The following RASA3 variants were observed in gnomAD, a reference collection of about 807,000 sequenced individuals.
The protein encoded by RASA3 is ras GTPase-activating protein 3.
A neutral mutation model predicts 110.0 loss-of-function variants in RASA3; 73 were observed. That is an observed-to-expected ratio of 0.66 (90% confidence interval 0.55 to 0.81). The LOEUF (loss-of-function observed/expected upper bound fraction) is 0.81, where lower values mean the gene tolerates loss of function less well. RASA3 is among the 30% of genes least tolerant of loss of function. RASA3 has a pLI of 0.00. For synonymous variants in RASA3, 500 were observed against 451.4 expected, an observed-to-expected ratio of 1.11 and a Z score of -1.37; for missense variants, 976 against 1,113.2, an observed-to-expected ratio of 0.88 and a Z score of 1.75.
At chr13:114,033,309 C>T in intron 4 of RASA3, among the ~76,000 whole-genome samples, 1 of 107,272 alleles carries the variant, frequency 9.3e-6, no homozygotes, top group South Asian at 3.8e-4. Flanking sequence ...ACGGCACCCC[C>T]ACACTTGATA....
At chr13:114,041,750 G>A (rs531052303) in intron 3 of RASA3, among the ~76,000 whole-genome samples, 1 of 152,392 alleles carries the variant, frequency 6.6e-6, no homozygotes, top group Non-Finnish European at 1.5e-5. Context: ...AGGCAGGACT[G>A]AGAGCCAGAA....
At chr13:114,009,292 A>G in intron 17 of RASA3, 95 bp downstream of exon 17, 1 of 1,019,866 alleles carries the variant, frequency 9.8e-7, no homozygotes. Context: ...GCTAATGGCC[A>G]AGTCTGTGTC....
At chr13:114,005,315 G>A (rs1398652436) in intron 18 of RASA3, among the ~76,000 whole-genome samples, 4 of 152,186 alleles carry the variant, frequency 2.6e-5, no homozygotes, top group Non-Finnish European at 5.9e-5. Context: ...AGTGGGAGCC[G>A]GGCCACAGGA....
At chr13:114,088,676 G>C (rs929231870) in intron 1 of RASA3, among the ~76,000 whole-genome samples, 1 of 151,906 alleles carries the variant, frequency 6.6e-6, no homozygotes, top group African/African-American at 2.4e-5. Flanking sequence ...TCAGCCTCCT[G>C]AGAAGTTGGG....
At position 114,040,987 on chromosome 13, in the gene RASA3, C is replaced by T. The variant is rs202226709; in HGVS notation, c.372+13G>A. ...CAGGGCTCTGGTTTCCGGGGCTGCG[C>T]CGAGAGTCTCACCTGCACTTCCGAG... is the stretch of plus-strand genomic sequence containing the variant. On this transcript the variant is annotated intron_variant, in intron 4 of 23. Coordinates refer to ENST00000334062, the MANE Select transcript of RASA3 (RefSeq NM_007368.4). 1,104 of 1,612,888 alleles carry T rather than the reference C, an allele frequency of 6.8e-4. 6 individuals are homozygous for T. The highest frequency in any genetic ancestry group is 2.1e-4 in the African/African-American group (16 of 75,046).
intron 1 of RASA3, among the ~76,000 whole-genome samples, chr13:114,113,265 G>C (rs2080241268): frequency 6.6e-6 from 1 of 152,216 alleles, no homozygotes; most frequent in Admixed American, 6.5e-5. Flanking sequence ...TGGAGACTGG[G>C]GGCCTCAGAC....
At chr13:114,000,466 G>A (rs1176441971) in intron 19 of RASA3, among the ~76,000 whole-genome samples, 1 of 152,190 alleles carries the variant, frequency 6.6e-6, no homozygotes, top group African/African-American at 2.4e-5. Flanking sequence ...TGACAGCGAG[G>A]GGCAGGAGGT....
chr13:114,116,229 C>T (rs939437761), intron 1 of RASA3, among the ~76,000 whole-genome samples: 3 of 152,208 alleles, frequency 2.0e-5, no homozygotes, highest in Non-Finnish European at 4.4e-5. Flanking sequence ...CCCCTCCCCT[C>T]GGGCCAGGCC....
Position 113,979,013 on chromosome 13 carries a change from G to A in RASA3, c.*334C>T, listed in dbSNP as rs991169964. ...AGGTGCATGTCACAGTCGACTAGAC[G>A]GGCCGTGGCTCCCTGAGGCTGGCTG... On this transcript the variant is annotated 3_prime_UTR_variant, in exon 24 of 24. Coordinates refer to ENST00000334062, the MANE Select transcript of RASA3 (RefSeq NM_007368.4). The A allele has an allele frequency of 5.4e-5, 19 of 352,528 alleles. No individual in the cohort carries two copies. The highest frequency in any genetic ancestry group is 3.4e-4 in the East Asian group (6 of 17,392). The allele number at this position is 352,528 out of a possible 1,614,324, so 21.8% of individuals were successfully genotyped here. A position where few individuals can be genotyped will look rare whatever the true frequency, so the allele number is the denominator to read the frequency against.
intron 2 of RASA3, among the ~76,000 whole-genome samples, chr13:114,054,770 G>A (rs2079208213): frequency 6.6e-6 from 1 of 152,232 alleles, no homozygotes; most frequent in African/African-American, 2.4e-5. Context: ...GACTTCCACC[G>A]ACTCCATTGT....
intron 1 of RASA3, among the ~76,000 whole-genome samples, chr13:114,127,047 G>C (rs2080460218): frequency 6.6e-6 from 1 of 152,158 alleles, no homozygotes; most frequent in Admixed American, 6.5e-5. Context: ...GCTGTTTCCA[G>C]CCAATACGTC....
At chr13:113,979,863 G>A (rs1484064805) in intron 23 of RASA3, among the ~76,000 whole-genome samples, 2 of 151,900 alleles carry the variant, frequency 1.3e-5, no homozygotes, top group East Asian at 1.9e-4. Flanking sequence ...CCATGTGTGT[G>A]CACCTCCTGC....
At chr13:114,031,924 C>T (rs1443694876) in intron 4 of RASA3, among the ~76,000 whole-genome samples, 1 of 152,162 alleles carries the variant, frequency 6.6e-6, no homozygotes, top group Non-Finnish European at 1.5e-5. Context: ...TGGTGCAGAA[C>T]CTCGGATGGA....
intron 5 of RASA3, 85 bp downstream of exon 5, chr13:114,029,726 G>T: frequency 7.7e-7 from 1 of 1,290,744 alleles, no homozygotes; most frequent in Non-Finnish European, 1.1e-6. Context: ...ATTCTTGTGC[G>T]TTGGTGTGAA....
At chr13:113,994,012 CTTTAA>C (rs2053180191) in intron 21 of RASA3, among the ~76,000 whole-genome samples, 5 of 152,096 alleles carry the variant, frequency 3.3e-5, no homozygotes, top group Admixed American at 3.3e-4. Context: ...GAAATATGCT[CTTTAA>C]TTTAGTAAAT....
rs1048828963 is a variant in RASA3, at chr13:114,014,136, G to C, written c.1406-888C>G. Among the ~76,000 whole-genome samples, 5 of 145,488 alleles carry C rather than the reference G, an allele frequency of 3.4e-5. No homozygotes were observed. Among genetic ancestry groups the C allele is most frequent in the African/African-American group, 1.0e-4 (4 of 39,276 alleles). On this transcript the variant is annotated intron_variant, in intron 14 of 23. Coordinates refer to ENST00000334062, the MANE Select transcript of RASA3 (RefSeq NM_007368.4). This position sits in a 1 kb window ranked among gnomAD's most constrained non-coding sequence, Gnocchi z 4.5. ...TCTCTCTCTCTCCTTGTCTCTCTCTGTCTCTCTCCTTCTGTCTCTGCCTCT... is the reference window on the plus strand; with the variant it reads ...TCTCTCTCTCTCCTTGTCTCTCTCTCTCTCTCTCCTTCTGTCTCTGCCTCT...
chr13:114,069,327 C>G (rs766545578), intron 2 of RASA3, among the ~76,000 whole-genome samples: 6 of 151,676 alleles, frequency 4.0e-5, no homozygotes, highest in African/African-American at 1.5e-4. Context: ...CCCTTCTGAG[C>G]TCAGAGATGC....
At position 114,029,366 on chromosome 13, in the gene RASA3, A is replaced by G. The variant is rs375517427; in HGVS notation, c.449+445T>C. ...CTGGGGCCAGGACCTCTAAAACGGC[A>G]TCATCCTGGGGCCAGGACCTCTAAA... On this transcript the variant is annotated intron_variant, in intron 5 of 23. Transcript: ENST00000334062. Among the ~76,000 whole-genome samples the G allele has an allele frequency of 3.4e-4, 6 of 17,814 alleles. 1 individual carries two copies. The highest frequency in any genetic ancestry group is 2.8e-3 in the African/African-American group (5 of 1,764). 11.7% of individuals were successfully genotyped at this position (17,814 alleles called of 152,430 possible). A position where few individuals can be genotyped will look rare whatever the true frequency, so the allele number is the denominator to read the frequency against.
chr13:114,059,980 G>A (rs2079309205), intron 2 of RASA3, among the ~76,000 whole-genome samples: 1 of 152,254 alleles, frequency 6.6e-6, no homozygotes, highest in African/African-American at 2.4e-5. Context: ...CTCGCTCGGG[G>A]GACAGGGAGG....
Sources: gnomAD v4.1 joint callset for allele counts (sites outside exome capture counted in the v4.1 genomes callset) on GRCh38, gnomAD v4.1.1 for gene constraint, Gnocchi (gnomAD v3.1) non-coding constraint, MANE v1.5 for transcripts, NCBI Gene and HGNC (gene_info 2026-07-23, HGNC 2026-07-21) for gene names.